The following GABRE variants were observed in gnomAD, a reference collection of about 807,000 sequenced individuals.
GABRE encodes gamma-aminobutyric acid receptor subunit epsilon.
In GABRE, 20 loss-of-function variants were observed where a neutral mutation model predicts 31.0. The ratio of observed to expected loss-of-function variants is 0.64; its 90% CI spans 0.45 to 0.94. The LOEUF is 0.94. GABRE is among the 40% of genes least tolerant of loss of function. The probability of loss-of-function intolerance (pLI) is 0.00; values close to 1 mark genes in which losing one functional copy is unlikely to be tolerated. For missense variants in GABRE, 420 were observed against 410.7 expected, an observed-to-expected ratio of 1.02 and a Z score of -0.20; for synonymous variants, 155 against 150.6, an observed-to-expected ratio of 1.03 and a Z score of -0.21.
chrX:151,970,150 C>T, intron 2 of GABRE, 35 bp downstream of exon 2: 1 of 1,208,556 alleles, frequency 8.3e-7, no homozygotes, highest in Admixed American at 2.2e-5. Context: ...CCCCTGGACC[C>T]TCTAGGAGGG....
chrX:151,972,837 C>T (rs146189663), intron 1 of GABRE, among the ~76,000 whole-genome samples: 2,378 of 110,554 alleles, frequency 0.022, 29 homozygotes, highest in Non-Finnish European at 0.034. Flanking sequence ...ACTTTCGGGG[C>T]TAGACAGAAT....
rs770831465 is a variant in GABRE, at chrX:151,959,717, A to G, written c.784+122T>C. The G allele has an allele frequency of 3.9e-6, 3 of 769,530 alleles. No homozygotes were observed. The Admixed American group carries it at 7.3e-5, about 19-fold the overall frequency. 63.4% of individuals were successfully genotyped at this position (769,530 alleles called of 1,213,427 possible). A position where few individuals can be genotyped will look rare whatever the true frequency, so the allele number is the denominator to read the frequency against. On this transcript the variant is annotated intron_variant, in intron 6 of 8. Coordinates refer to ENST00000370328, the MANE Select transcript of GABRE (RefSeq NM_004961.4). ...AAACAGTTGTAAGTGCTTAGCAATT[A>G]TAAGACAGGAGCCATGTCTTACAAT...
intron 1 of GABRE, chrX:151,971,563 A>T (rs1934694939): frequency 6.5e-6 from 1 of 153,776 alleles, no homozygotes; most frequent in Non-Finnish European, 1.3e-5. Flanking sequence ...AAACAATTAC[A>T]TATAAAATGA....
chrX:151,965,615 A>T (rs1011881161), intron 3 of GABRE, among the ~76,000 whole-genome samples: 1 of 112,575 alleles, frequency 8.9e-6, no homozygotes, highest in African/African-American at 3.2e-5. Flanking sequence ...TTGCACCAAC[A>T]ATCTCTTTAG....
At chrX:151,970,865 A>C (rs1934673671) in intron 1 of GABRE, among the ~76,000 whole-genome samples, 1 of 110,735 alleles carries the variant, frequency 9.0e-6, no homozygotes, top group Non-Finnish European at 1.9e-5. Flanking sequence ...TTGTGGGAAT[A>C]TTTTGCGGTT....
rs756791363 is a variant in GABRE, at chrX:151,955,050, C to T, written c.1172G>A (p.Arg391His). ...GCGGGCACAGGCTCGGGAACGTGCA[C>T]GGGTACGGGCATGGGCACGGCTATT... The part of the protein sequence containing the change: ...RINSRAHART[R>H]ARSRACARQH... Residue 391 changes from arginine to histidine, a missense_variant, in exon 9 of 9, where the codon CGT becomes CAT. By Grantham distance (29) the Arg-to-His change is conservative. Transcript: ENST00000370328. The T allele has an allele frequency of 2.1e-5, 25 of 1,201,485 alleles. No homozygotes were observed. The highest frequency in any genetic ancestry group is 2.4e-5 in the Non-Finnish European group (21 of 890,208).
At chrX:151,969,604 C>A in intron 3 of GABRE, 65 bp downstream of exon 3, 1 of 1,072,575 alleles carries the variant, frequency 9.3e-7, no homozygotes, top group Non-Finnish European at 1.2e-6. Context: ...AAGCAGAAGT[C>A]TGTGGAAGGT....
intron 2 of GABRE, 45 bp downstream of exon 2, chrX:151,970,140 C>A: frequency 5.8e-6 from 7 of 1,205,259 alleles, no homozygotes; most frequent in Non-Finnish European, 7.8e-6. Context: ...ATGCCCTCAA[C>A]CCCTGGACCC....
chrX:151,955,265 A>G, intron 8 of GABRE, 103 bp downstream of exon 8: 1 of 1,197,856 alleles, frequency 8.3e-7, no homozygotes, highest in East Asian at 3.0e-5. Flanking sequence ...GTAACATTCC[A>G]TCACTCAGCA....
At chrX:151,960,072 C>A in intron 5 of GABRE, 96 bp from the exon 6 acceptor site, 1 of 827,867 alleles carries the variant, frequency 1.2e-6, no homozygotes, top group Non-Finnish European at 1.7e-6. Flanking sequence ...GCCTTGGAGT[C>A]CTGTCTCTGG....
chrX:151,964,661 C>T (rs1934476930), intron 3 of GABRE, among the ~76,000 whole-genome samples: 1 of 111,181 alleles, frequency 9.0e-6, no homozygotes, highest in Admixed American at 9.5e-5. Context: ...TAAAAATTTA[C>T]AAGCACACAC....
chrX:151,970,956 G>T (rs779031257), intron 1 of GABRE, among the ~76,000 whole-genome samples: 1 of 112,085 alleles, frequency 8.9e-6, no homozygotes, highest in Admixed American at 9.4e-5. Context: ...GCCTTTGTGG[G>T]TGTCTAAACA....
Position 151,955,456 on chromosome X carries a change from A to C in GABRE, c.1049T>G (p.Phe350Cys), listed in dbSNP as rs768935553. 1.1e-5 allele frequency: 13 copies of C among 1,211,731 alleles called. No individual in the cohort carries two copies. In the South Asian group the frequency reaches 2.3e-4, roughly 21 times the overall value. Reference protein sequence around the residue: ...LDFYIAICFVFCFCALLEFAV... With the variant: ...LDFYIAICFVCCFCALLEFAV... ...AAACTCCAACAGAGCGCAGAAGCAGAAGACGAAGCAGATGGCGATATAGAA... is the reference window on the plus strand; with the variant it reads ...AAACTCCAACAGAGCGCAGAAGCAGCAGACGAAGCAGATGGCGATATAGAA... Residue 350 changes from phenylalanine (F) to cysteine (C), a missense_variant, in exon 8 of 9, where the codon TTC becomes TGC. Coordinates refer to ENST00000370328, the MANE Select transcript of GABRE (RefSeq NM_004961.4).
chrX:151,969,389 A>G, intron 3 of GABRE: 1 of 237,114 alleles, frequency 4.2e-6, no homozygotes, highest in Non-Finnish European at 7.6e-6. Flanking sequence ...AGAAGAAAAG[A>G]GGCAGTCCAT....
At chrX:151,969,971 C>A (rs1232722603) in intron 2 of GABRE, 1 of 1,071,170 alleles carries the variant, frequency 9.3e-7, no homozygotes, top group Non-Finnish European at 1.2e-6. Context: ...CATTTTACCA[C>A]TGGAAAAACT....
At chrX:151,964,215 C>T (rs1319271313) in intron 3 of GABRE, among the ~76,000 whole-genome samples, 1 of 111,288 alleles carries the variant, frequency 9.0e-6, no homozygotes, top group Non-Finnish European at 1.9e-5. Flanking sequence ...CTCTGTTATC[C>T]TCTTTGTTAA....
rs1934130718 is a variant in GABRE, at chrX:151,955,488, G to A, written c.1017C>T (p.Ala339=). Residue 339 remains alanine, a synonymous_variant, in exon 8 of 9, where the codon GCC becomes GCT. Coordinates refer to ENST00000370328, the MANE Select transcript of GABRE (RefSeq NM_004961.4). Reference sequence around the variant, plus strand: ...AGCAGATGGCGATATAGAAATCCAAGGCTGTGATATAGGAGACACGCGGGA... The same window carrying A: ...AGCAGATGGCGATATAGAAATCCAAAGCTGTGATATAGGAGACACGCGGGA... The part of the protein sequence containing the change: ...KNFPRVSYIT[A]LDFYIAICFV... 7.4e-6 allele frequency: 9 copies of A among 1,211,780 alleles called. No individual in the cohort carries two copies. Among genetic ancestry groups the A allele is most frequent in the Middle Eastern group, 2.3e-4 (1 of 4,353 alleles).
intron 6 of GABRE, 40 bp downstream of exon 6, chrX:151,959,799 A>G: frequency 8.4e-7 from 1 of 1,195,522 alleles, no homozygotes; most frequent in Non-Finnish European, 1.1e-6. Context: ...AATCATCCCT[A>G]CCACCTTCCT....
At position 151,970,198 on chromosome X, in the gene GABRE, G is replaced by A. The variant is rs148122431; in HGVS notation, c.261C>T (p.Arg87=). ...TILSNYDHKL[R]PGIGEKPTVV... ...TCTGCTCCTCACCTCCAATGCCAGGGCGCAGTTTGTGGTCATAATTACTCA... is the reference window on the plus strand; with the variant it reads ...TCTGCTCCTCACCTCCAATGCCAGGACGCAGTTTGTGGTCATAATTACTCA... Residue 87 remains arginine, a synonymous_variant, in exon 2 of 9, where the codon CGC becomes CGT. Transcript: ENST00000370328. 89 of 1,210,265 alleles carry A rather than the reference G, an allele frequency of 7.4e-5. No homozygotes were observed. In the African/African-American group the frequency reaches 1.5e-3, roughly 20 times the overall value.
Sources: gnomAD v4.1 joint callset for allele counts (sites outside exome capture counted in the v4.1 genomes callset) on GRCh38, gnomAD v4.1.1 for gene constraint, MANE v1.5 for transcripts, NCBI Gene and HGNC (gene_info 2026-07-23, HGNC 2026-07-21) for gene names.